Variants in FILIP1L observed in about 807,000 individuals in gnomAD.
FILIP1L encodes the protein filamin A-interacting protein 1-like.
A neutral mutation model predicts 96.6 loss-of-function variants in FILIP1L; 55 were observed. That is an observed-to-expected ratio of 0.57 (90% CI 0.46 to 0.71). The LOEUF (loss-of-function observed/expected upper bound fraction) is 0.71, where lower values mean the gene tolerates loss of function less well. Ranked by LOEUF, FILIP1L falls within the 30% of genes least tolerant of loss-of-function variation. The probability of loss-of-function intolerance (pLI) is 0.00; values close to 1 mark genes in which losing one functional copy is unlikely to be tolerated. For synonymous variants in FILIP1L, 467 were observed against 473.9 expected (o/e 0.99, Z 0.19); for missense variants, 1,304 against 1,321.2 (o/e 0.99, Z 0.20).
At chr3:99,977,715 A>G (rs1239388187) in intron 1 of FILIP1L, among the ~76,000 whole-genome samples, 1 of 152,168 alleles carries the variant, frequency 6.6e-6, no homozygotes, top group African/African-American at 2.4e-5. Context: ...AAATAAGAGA[A>G]TGGAATCATT....
rs572687676 is a variant in FILIP1L, at chr3:100,014,836, CTT to C, written c.-10-83808_-10-83807del. Among the ~76,000 whole-genome samples, 498 of 92,202 alleles carry C rather than the reference CTT, an allele frequency of 5.4e-3. 2 individuals are homozygous for C. The highest frequency in any genetic ancestry group is 8.1e-3 in the South Asian group (21 of 2,586). 60.5% of individuals were successfully genotyped at this position (92,202 alleles called of 152,430 possible). On this transcript the variant is annotated intron_variant, in intron 1 of 5. Coordinates refer to ENST00000477258, the MANE Select transcript of FILIP1L (RefSeq NM_001387850.1). ...TTTTTTTTTTTTTGCTGTGTCAAAA[CTT>C]TTTATCTGATGCAACACCATTTGTC...
At chr3:100,099,757 T>C (rs2066273064) in intron 1 of FILIP1L, among the ~76,000 whole-genome samples, 1 of 152,310 alleles carries the variant, frequency 6.6e-6, no homozygotes, top group African/African-American at 2.4e-5. Flanking sequence ...TCATAAGATA[T>C]GTTCTGTAGC....
chr3:99,856,397 C>A lies in FILIP1L; in HGVS notation c.606-5327G>T, dbSNP rs13085504. Among the ~76,000 whole-genome samples, 406 of 152,160 alleles carry A rather than the reference C, an allele frequency of 2.7e-3. 1 individual carries two copies. The highest frequency in any genetic ancestry group is 6.8e-3 in the Middle Eastern group (2 of 294). On this transcript the variant is annotated intron_variant, in intron 4 of 5. Transcript: ENST00000477258. ...TATGTACCCTCAGGGGTACATGTACCCCAGTTTAAAGACTATTGTCTTGGA... is the reference window on the plus strand; with the variant it reads ...TATGTACCCTCAGGGGTACATGTACACCAGTTTAAAGACTATTGTCTTGGA...
At chr3:99,873,972 A>C (rs1705374987) in intron 4 of FILIP1L, among the ~76,000 whole-genome samples, 1 of 152,224 alleles carries the variant, frequency 6.6e-6, no homozygotes, top group Admixed American at 6.5e-5. Flanking sequence ...CCCATCATAC[A>C]GATTGTCCCA....
intron 1 of FILIP1L, among the ~76,000 whole-genome samples, chr3:100,068,831 T>G (rs757727063): frequency 6.6e-6 from 1 of 152,220 alleles, no homozygotes; most frequent in Non-Finnish European, 1.5e-5. Flanking sequence ...TTTCACCATG[T>G]TGGCCAGGCT....
chr3:99,967,855 C>T (rs1293149222), intron 1 of FILIP1L, among the ~76,000 whole-genome samples: 1 of 152,152 alleles, frequency 6.6e-6, no homozygotes, highest in Non-Finnish European at 1.5e-5. Context: ...GAAAGAGACA[C>T]AACATGCTCA....
At chr3:99,955,886 G>A (rs1187926404) in intron 1 of FILIP1L, among the ~76,000 whole-genome samples, 2 of 152,042 alleles carry the variant, frequency 1.3e-5, no homozygotes, top group African/African-American at 2.4e-5. Context: ...TGAATTAAAC[G>A]CATCTTCTCT....
chr3:99,878,884 C>A (rs1305363354), intron 4 of FILIP1L, among the ~76,000 whole-genome samples: 1 of 152,118 alleles, frequency 6.6e-6, no homozygotes, highest in Non-Finnish European at 1.5e-5. Context: ...CTCTTTCAAC[C>A]AAAATTCTTT....
At chr3:100,098,734 C>T (rs2066255398) in intron 1 of FILIP1L, among the ~76,000 whole-genome samples, 1 of 152,142 alleles carries the variant, frequency 6.6e-6, no homozygotes, top group Non-Finnish European at 1.5e-5. Context: ...TTGCCGTATA[C>T]AGAGGTGGAA....
At position 99,848,743 on chromosome 3, in the gene FILIP1L, A is replaced by G; in HGVS notation, c.2933T>C (p.Met978Thr). 1 of 1,614,186 alleles carries G rather than the reference A, an allele frequency of 6.2e-7. No homozygotes were observed. Reference protein sequence around the residue: ...NLEQGMSPITMATFARAQTPE... With the variant: ...NLEQGMSPITTATFARAQTPE... ...GGTCTGTGCTCTGGCAAAGGTTGCC[A>G]TGGTAATTGGGGACATGCCTTGTTC... is the stretch of plus-strand genomic sequence containing the variant. The change falls in exon 5 of 6, where the codon ATG (methionine) becomes ACG (threonine). Residue 978 changes from methionine to threonine, a missense_variant. By Grantham distance (81) the Met-to-Thr change is moderately conservative. Coordinates refer to ENST00000477258, the MANE Select transcript of FILIP1L (RefSeq NM_001387850.1).
chr3:100,066,201 T>A (rs1214876286), intron 1 of FILIP1L, among the ~76,000 whole-genome samples: 1 of 152,222 alleles, frequency 6.6e-6, no homozygotes, highest in Non-Finnish European at 1.5e-5. Flanking sequence ...GATTTTGTTT[T>A]ACCATGTCTG....
chr3:99,998,863 C>T (rs926074940), intron 1 of FILIP1L, among the ~76,000 whole-genome samples: 3 of 152,176 alleles, frequency 2.0e-5, no homozygotes, highest in African/African-American at 7.2e-5. Flanking sequence ...GCCACCGCGC[C>T]CGGCCATGGT....
intron 1 of FILIP1L, among the ~76,000 whole-genome samples, chr3:100,038,851 C>T (rs2065154487): frequency 6.6e-6 from 1 of 152,006 alleles, no homozygotes. Flanking sequence ...TTGTTAAGTC[C>T]AAAAGGCACA....
intron 1 of FILIP1L, among the ~76,000 whole-genome samples, chr3:99,965,942 A>G (rs1212691991): frequency 6.6e-6 from 1 of 152,050 alleles, no homozygotes; most frequent in Non-Finnish European, 1.5e-5. Flanking sequence ...GCCTGCCACC[A>G]GTTCTCCACT....
intron 1 of FILIP1L, among the ~76,000 whole-genome samples, chr3:100,050,922 A>G (rs1206915164): frequency 1.3e-5 from 2 of 152,196 alleles, no homozygotes; most frequent in African/African-American, 4.8e-5. Flanking sequence ...TCCTTGTGGA[A>G]GAGTCTTCAA....
At chr3:99,876,286 C>T in intron 4 of FILIP1L, 1 of 868,294 alleles carries the variant, frequency 1.2e-6, no homozygotes, top group Non-Finnish European at 1.4e-6. Flanking sequence ...GCGGGACCCT[C>T]GGCCGCGGCG....
intron 4 of FILIP1L, among the ~76,000 whole-genome samples, chr3:99,887,267 C>CA (rs879818314): frequency 8.4e-4 from 115 of 136,494 alleles, no homozygotes; most frequent in East Asian, 2.3e-3. Context: ...AACTCCATCT[C>CA]AAAAAAAAAA....
chr3:100,095,116 A>G (rs1388279231), intron 1 of FILIP1L, among the ~76,000 whole-genome samples: 1 of 152,168 alleles, frequency 6.6e-6, no homozygotes, highest in African/African-American at 2.4e-5. Context: ...CTTTACCAGT[A>G]CATACAGTCT....
At chr3:99,877,216 G>A (rs1705565280) in intron 4 of FILIP1L, among the ~76,000 whole-genome samples, 1 of 152,166 alleles carries the variant, frequency 6.6e-6, no homozygotes, top group South Asian at 2.1e-4. Context: ...AGTAATTTTA[G>A]TAGCTTGAGT....
Sources: allele counts gnomAD v4.1 joint callset (sites outside exome capture counted in the v4.1 genomes callset), GRCh38; gene constraint gnomAD v4.1.1; transcripts MANE v1.5; gene names NCBI Gene and HGNC (gene_info 2026-07-23, HGNC 2026-07-21).